The following ADORA2B variants were observed in gnomAD, a reference collection of about 807,000 sequenced individuals.
ADORA2B encodes the protein adenosine A2b receptor, also known as adenosine receptor A2b.
Under a neutral mutation model 20.8 loss-of-function variants are expected in ADORA2B, and 18 were observed. That is an observed-to-expected ratio of 0.87 (90% CI 0.60 to 1.29). The LOEUF is 1.29. ADORA2B is among the 50% of genes most tolerant of loss of function. The pLI, the probability that ADORA2B is intolerant of heterozygous loss-of-function variation, is 0.00. For synonymous variants in ADORA2B, 179 were observed against 178.3 expected, an observed-to-expected ratio of 1.00 and a Z score of -0.03; for missense variants, 441 against 422.7, an observed-to-expected ratio of 1.04 and a Z score of -0.38.
chr17:15,891,277 A>G, the ADORA2B span, among the ~76,000 whole-genome samples: 2 of 144,530 alleles, frequency 1.4e-5, no homozygotes, highest in Non-Finnish European at 3.0e-5. Context: ...AAAATAGATA[A>G]ATAAATAATA....
At chr17:15,943,073 G>A (rs916833444), upstream of ADORA2B, among the ~76,000 whole-genome samples, 3 of 152,222 alleles carry the variant, frequency 2.0e-5, no homozygotes, top group Admixed American at 6.5e-5. Flanking sequence ...CGTGATTGGT[G>A]GAGCAGGTGA....
the ADORA2B span, among the ~76,000 whole-genome samples, chr17:15,896,207 A>G: frequency 6.6e-6 from 1 of 152,162 alleles, no homozygotes; most frequent in Admixed American, 6.6e-5. Context: ...ATGACAAAAC[A>G]CTTGAGAAAT....
chr17:15,905,815 C>G, the ADORA2B span, among the ~76,000 whole-genome samples: 2 of 151,898 alleles, frequency 1.3e-5, no homozygotes, highest in African/African-American at 2.4e-5. Context: ...GCCCCCATGC[C>G]CAGCTAATTT....
chr17:15,931,156 A>C, the ADORA2B span, among the ~76,000 whole-genome samples: 1 of 152,190 alleles, frequency 6.6e-6, no homozygotes, highest in African/African-American at 2.4e-5. Flanking sequence ...ATCTCTACAA[A>C]AAATTTAAAA....
chr17:15,862,215 T>C, the ADORA2B span, among the ~76,000 whole-genome samples: 24 of 59,716 alleles, frequency 4.0e-4, no homozygotes, highest in African/African-American at 1.7e-3. Flanking sequence ...TCTTTTCTTT[T>C]TTTTTTTTTT....
chr17:15,891,887 G>GCC, the ADORA2B span, among the ~76,000 whole-genome samples: 1 of 132,854 alleles, frequency 7.5e-6, no homozygotes, highest in African/African-American at 2.9e-5. Context: ...TCCCTCTGTC[G>GCC]CCTAGGCTGG....
the ADORA2B span, among the ~76,000 whole-genome samples, chr17:15,888,835 T>TATATATAC: frequency 1.0e-4 from 2 of 19,906 alleles, 1 homozygote; most frequent in African/African-American, 7.2e-4. Context: ...TATATATATA[T>TATATATAC]ATATATATAT....
At chr17:15,966,947 AACGGAAGG>A (rs1177346522) in intron 1 of ADORA2B, among the ~76,000 whole-genome samples, 1 of 152,232 alleles carries the variant, frequency 6.6e-6, no homozygotes. Flanking sequence ...CGGGCTGGCG[AACGGAAGG>A]ACGGAAGGAC....
At chr17:15,910,763 C>T in the ADORA2B span, among the ~76,000 whole-genome samples, 80 of 152,278 alleles carry the variant, frequency 5.3e-4, no homozygotes, top group African/African-American at 1.6e-3. Flanking sequence ...CAGCCCCTTC[C>T]CATACCTGGA....
At chr17:15,966,581 C>G (rs1304574394) in intron 1 of ADORA2B, among the ~76,000 whole-genome samples, 3 of 152,244 alleles carry the variant, frequency 2.0e-5, no homozygotes, top group Non-Finnish European at 4.4e-5. Context: ...CTTACGTAAC[C>G]TCAGTGTTCA....
At position 15,945,492 on chromosome 17, in the gene ADORA2B, G is replaced by A. The variant is rs529225004; in HGVS notation, c.244G>A (p.Ala82Thr). The A allele has an allele frequency of 9.3e-6, 15 of 1,612,060 alleles. No individual in the cohort carries two copies. In the South Asian group the frequency reaches 1.2e-4, roughly 13 times the overall value. The change falls in exon 1 of 2, where the codon GCC (alanine) becomes ACC (threonine). Residue 82 changes from alanine (A) to threonine (T), a missense_variant. Transcript: ENST00000304222. ...CTDFYGCLFL[A>T]CFVLVLTQSS... ...TGACTTCTACGGCTGCCTCTTCCTC[G>A]CCTGCTTCGTGCTGGTGCTCACGCA... is the stretch of plus-strand genomic sequence containing the variant.
the ADORA2B span, among the ~76,000 whole-genome samples, chr17:15,867,458 C>CCT: frequency 6.7e-6 from 1 of 148,286 alleles, no homozygotes; most frequent in African/African-American, 2.6e-5. Flanking sequence ...GTGAGGAGAC[C>CCT]CTCTGCCTGG....
intron 1 of ADORA2B, among the ~76,000 whole-genome samples, chr17:15,972,467 A>G (rs1046087130): frequency 3.3e-5 from 5 of 152,224 alleles, no homozygotes; most frequent in African/African-American, 1.2e-4. Flanking sequence ...CCAGTTGTTA[A>G]TAACAAAATG....
In ADORA2B at chr17:15,975,234, C is replaced by G; in HGVS notation, c.891C>G (p.Phe297Leu). 2 of 1,614,018 alleles carry G rather than the reference C, an allele frequency of 1.2e-6. No homozygotes were observed. The highest frequency in any genetic ancestry group is 1.7e-6 in the Non-Finnish European group (2 of 1,180,044). ...TCTATGCTTACCGGAACCGAGACTT[C>G]CGCTACACTTTTCACAAAATTATCT... Reference protein sequence around the residue: ...PIVYAYRNRDFRYTFHKIISR... With the variant: ...PIVYAYRNRDLRYTFHKIISR... Residue 297 changes from phenylalanine to leucine, a missense_variant, in exon 2 of 2, where the codon TTC becomes TTG. Physicochemically the swap from Phe to Leu is conservative, Grantham distance 22 (BLOSUM62 0). Coordinates refer to ENST00000304222, the MANE Select transcript of ADORA2B (RefSeq NM_000676.4).
At chr17:15,966,051 A>G (rs766355684) in intron 1 of ADORA2B, among the ~76,000 whole-genome samples, 5 of 152,220 alleles carry the variant, frequency 3.3e-5, no homozygotes, top group African/African-American at 4.8e-5. Flanking sequence ...CTCTAGCCCC[A>G]TGTTTCACAG....
chr17:15,923,666 A>C, the ADORA2B span, among the ~76,000 whole-genome samples: 2 of 152,000 alleles, frequency 1.3e-5, no homozygotes, highest in African/African-American at 4.8e-5. Context: ...TCGGCCTCCC[A>C]AAGTGCTGGG....
At chr17:15,953,689 G>A (rs569713676) in intron 1 of ADORA2B, among the ~76,000 whole-genome samples, 15 of 152,350 alleles carry the variant, frequency 9.8e-5, no homozygotes, top group Admixed American at 8.5e-4. Context: ...AAGGAAGAAC[G>A]TGTCCCCCAT....
the ADORA2B span, among the ~76,000 whole-genome samples, chr17:15,851,733 A>G: frequency 2.0e-5 from 3 of 152,210 alleles, no homozygotes; most frequent in African/African-American, 7.2e-5. Flanking sequence ...ATCACCCTTC[A>G]AAGAGACAAG....
chr17:15,940,510 C>T (rs1969734504), upstream of ADORA2B, among the ~76,000 whole-genome samples: 1 of 152,152 alleles, frequency 6.6e-6, no homozygotes, highest in South Asian at 2.1e-4. Flanking sequence ...GTCAGCTGTT[C>T]TGAAATGTAG....
Sources: allele counts gnomAD v4.1 joint callset (sites outside exome capture counted in the v4.1 genomes callset), GRCh38; gene constraint gnomAD v4.1.1; transcripts MANE v1.5; gene names NCBI Gene and HGNC (gene_info 2026-07-23, HGNC 2026-07-21).